The following PHLPP1 variants were observed in gnomAD, a reference collection of about 807,000 sequenced individuals.
PHLPP1 encodes the protein PH domain and leucine rich repeat protein phosphatase 1.
A neutral mutation model predicts 117.2 loss-of-function variants in PHLPP1; 42 were observed. The ratio of observed to expected loss-of-function variants is 0.36; its 90% CI spans 0.28 to 0.46. PHLPP1 has a LOEUF of 0.46. Among genes scored for constraint, PHLPP1 ranks in the 20% least tolerant of loss-of-function variants. PHLPP1 has a pLI of 1.00. For missense variants in PHLPP1, 2,084 were observed against 2,241.9 expected (o/e 0.93, Z 1.42); for synonymous variants, 1,042 against 970.7 (o/e 1.07, Z -1.37).
intron 4 of PHLPP1, among the ~76,000 whole-genome samples, chr18:62,863,873 C>T (rs913976942): frequency 1.3e-5 from 2 of 152,120 alleles, no homozygotes; most frequent in Non-Finnish European, 2.9e-5. Flanking sequence ...GAATGCCTAA[C>T]CTCCTGGGAA....
intron 3 of PHLPP1, 22 bp from the exon 4 acceptor site, chr18:62,860,413 A>C (rs1441254254): frequency 6.2e-7 from 1 of 1,607,782 alleles, no homozygotes; most frequent in African/African-American, 1.3e-5. Context: ...TGGTATTAAA[A>C]TTAAGTTTTA....
chr18:62,798,998 A>G (rs916806439), intron 1 of PHLPP1, among the ~76,000 whole-genome samples: 1 of 152,220 alleles, frequency 6.6e-6, no homozygotes, highest in Non-Finnish European at 1.5e-5. Context: ...CAAAGCTACA[A>G]TGTTTTAGTA....
In PHLPP1 at chr18:62,715,805, TGGC is replaced by T; in HGVS notation, c.132_134del (p.Ala45del). Reference sequence around the variant, plus strand: ...GCAGCAGCGGCGGCCGCGGCGGCTCTGGCGGCGGCGGCCGGGGGCGGCCGGAGT... The same window carrying T: ...GCAGCAGCGGCGGCCGCGGCGGCTCTGGCGGCGGCCGGGGGCGGCCGGAGT... On this transcript the variant is annotated inframe_deletion, in exon 1 of 17. Transcript: ENST00000262719. 4.1e-6 allele frequency: 3 copies of T among 728,780 alleles called. No individual in the cohort carries two copies. Among genetic ancestry groups the T allele is most frequent in the Non-Finnish European group, 5.1e-6 (3 of 591,200 alleles). The allele number at this position is 728,780 out of a possible 1,614,324, so 45.1% of individuals were successfully genotyped here. A position where few individuals can be genotyped will look rare whatever the true frequency, so the allele number is the denominator to read the frequency against.
intron 1 of PHLPP1, among the ~76,000 whole-genome samples, chr18:62,809,752 T>C (rs917354919): frequency 2.0e-5 from 3 of 152,110 alleles, no homozygotes; most frequent in African/African-American, 7.2e-5. Flanking sequence ...ACTCAATGAA[T>C]GTTGGGGCAC....
At chr18:62,955,480 T>C (rs1910584894) in intron 12 of PHLPP1, among the ~76,000 whole-genome samples, 1 of 151,646 alleles carries the variant, frequency 6.6e-6, no homozygotes, top group South Asian at 2.1e-4. Flanking sequence ...CCGGGGGAAA[T>C]GGGATGCAGG....
chr18:62,845,415 C>T (rs1448060065), intron 3 of PHLPP1, among the ~76,000 whole-genome samples: 1 of 152,108 alleles, frequency 6.6e-6, no homozygotes, highest in Non-Finnish European at 1.5e-5. Flanking sequence ...TAAACGATCC[C>T]ATGAAATGAT....
Position 62,717,277 on chromosome 18 carries a change from C to CT in PHLPP1, c.1576+20dup, listed in dbSNP as rs769580561. On this transcript the variant is annotated intron_variant, in intron 1 of 16. Coordinates refer to ENST00000262719, the MANE Select transcript of PHLPP1 (RefSeq NM_194449.4). Reference sequence around the variant, plus strand: ...CTATGCAGGTAAGGAAGTCACCTGCCTTGACGGGTGGTTGCAAAAGCTGCC... The same window carrying CT: ...CTATGCAGGTAAGGAAGTCACCTGCCTTTGACGGGTGGTTGCAAAAGCTGCC... 10 of 1,542,604 alleles carry CT rather than the reference C, an allele frequency of 6.5e-6. No homozygotes were observed. Among genetic ancestry groups the CT allele is most frequent in the Non-Finnish European group, 8.8e-6 (10 of 1,142,362 alleles).
intron 12 of PHLPP1, among the ~76,000 whole-genome samples, chr18:62,952,138 C>T (rs1910480614): frequency 6.6e-6 from 1 of 151,688 alleles, no homozygotes; most frequent in African/African-American, 2.4e-5. Context: ...TTAAGAAGTG[C>T]TGGTGGGCTA....
In PHLPP1 at chr18:62,942,706, C is replaced by A. The variant is rs541616167; in HGVS notation, c.3161+788C>A. 3.3e-5 allele frequency among the ~76,000 whole-genome samples: 5 copies of A among 152,210 alleles called. No individual in the cohort carries two copies. In the South Asian group the frequency reaches 1.0e-3, roughly 32 times the overall value. ...TCCATCTAACAAGTTAGGGCTTGAA[C>A]ACACACCCACGCATCAAAGAAACAA... On this transcript the variant is annotated intron_variant, in intron 11 of 16. Coordinates refer to ENST00000262719, the MANE Select transcript of PHLPP1 (RefSeq NM_194449.4).
chr18:62,871,225 T>C (rs1321904080), intron 4 of PHLPP1, among the ~76,000 whole-genome samples: 2 of 152,236 alleles, frequency 1.3e-5, no homozygotes, highest in Non-Finnish European at 2.9e-5. Flanking sequence ...ATGTTTTTAA[T>C]ATGATAGCAA....
chr18:62,769,988 C>G (rs1332427975), intron 1 of PHLPP1, among the ~76,000 whole-genome samples: 1 of 152,206 alleles, frequency 6.6e-6, no homozygotes, highest in Admixed American at 6.5e-5. Flanking sequence ...CATCTTTCCT[C>G]CATGTTTGCA....
chr18:62,882,779 A>G (rs1216852725), intron 4 of PHLPP1, among the ~76,000 whole-genome samples: 1 of 152,140 alleles, frequency 6.6e-6, no homozygotes, highest in Admixed American at 6.5e-5. Context: ...ACATGAAGTA[A>G]GTGTAACTCA....
At position 62,717,038 on chromosome 18, in the gene PHLPP1, C is replaced by T; in HGVS notation, c.1355C>T (p.Pro452Leu). 2 of 1,546,352 alleles carry T rather than the reference C, an allele frequency of 1.3e-6. No individual in the cohort carries two copies. Among genetic ancestry groups the T allele is most frequent in the Non-Finnish European group, 1.7e-6 (2 of 1,146,274 alleles). Residue 452 changes from proline (P) to leucine (L), a missense_variant, in exon 1 of 17, where the codon CCC becomes CTC. By Grantham distance (98) the Pro-to-Leu change is moderately conservative (BLOSUM62 -3). This residue lies in a region of PHLPP1 where 719 missense variants were observed against 636.0 expected (regional missense o/e 1.13). Transcript: ENST00000262719. Reference protein sequence around the residue: ...AVAPGGLQSTPGRSGVTAEKA... With the variant: ...AVAPGGLQSTLGRSGVTAEKA... ...GCCCCGGGAGGCCTCCAGTCTACCC[C>T]CGGGAGGAGCGGGGTGACCGCGGAG...
chr18:62,757,078 T>C (rs1912048936), intron 1 of PHLPP1, among the ~76,000 whole-genome samples: 1 of 152,184 alleles, frequency 6.6e-6, no homozygotes, highest in East Asian at 1.9e-4. Context: ...ACGTTAAAAC[T>C]TGGTTTTCAA....
intron 1 of PHLPP1, among the ~76,000 whole-genome samples, chr18:62,782,419 C>T (rs1262047944): frequency 6.6e-6 from 1 of 152,126 alleles, no homozygotes; most frequent in Non-Finnish European, 1.5e-5. Flanking sequence ...TTCAGGGTTG[C>T]CACACAATAT....
At position 62,830,111 on chromosome 18, in the gene PHLPP1, G is replaced by A. The variant is rs1914715601; in HGVS notation, c.1653G>A (p.Gln551=). 6.2e-7 allele frequency: 1 copy of A among 1,613,084 alleles called. No individual in the cohort carries two copies. Among genetic ancestry groups the A allele is most frequent in the African/African-American group, 1.3e-5 (1 of 74,930 alleles). ...GMYNVRKGKM[Q]LPVNRWTRRQ... ...ATAATGTCCGTAAAGGCAAGATGCA[G>A]TTGCCAGTGAACCGATGGACAAGAC... The change falls in exon 2 of 17, where the codon CAG becomes CAA. Residue 551 remains glutamine, a synonymous_variant. Coordinates refer to ENST00000262719, the MANE Select transcript of PHLPP1 (RefSeq NM_194449.4).
intron 1 of PHLPP1, among the ~76,000 whole-genome samples, chr18:62,738,758 A>C (rs193189017): frequency 1.8e-4 from 27 of 152,376 alleles, no homozygotes; most frequent in Admixed American, 1.8e-3. Context: ...AGTTATGTGA[A>C]TATGGTCTGT....
At chr18:62,811,538 TTG>T (rs964209353) in intron 1 of PHLPP1, among the ~76,000 whole-genome samples, 12 of 146,760 alleles carry the variant, frequency 8.2e-5, no homozygotes, top group African/African-American at 2.7e-4. Flanking sequence ...GGTTATGTTG[TTG>T]TGTCTTTTTT....
chr18:62,935,954 G>A (rs1043773292), intron 10 of PHLPP1, among the ~76,000 whole-genome samples: 3 of 152,176 alleles, frequency 2.0e-5, no homozygotes, highest in Non-Finnish European at 2.9e-5. Flanking sequence ...AGTGAGCCGA[G>A]ATCAAGCCAT....
Sources: allele counts gnomAD v4.1 joint callset (sites outside exome capture counted in the v4.1 genomes callset), GRCh38; gene constraint gnomAD v4.1.1; regional missense constraint gnomAD v4.1.1; transcripts MANE v1.5; gene names NCBI Gene and HGNC (gene_info 2026-07-23, HGNC 2026-07-21).